RUNX1: variants seen among roughly 807,000 people sequenced by gnomAD.
RUNX1 encodes RUNX family transcription factor 1.
In RUNX1, 19 loss-of-function variants were observed where a neutral mutation model predicts 42.8. That is an observed-to-expected ratio of 0.44 (90% CI 0.31 to 0.65). RUNX1 has a LOEUF of 0.65. Among genes scored for constraint, RUNX1 ranks in the 30% least tolerant of loss-of-function variants. RUNX1 has a pLI of 0.07. For missense variants in RUNX1, 528 were observed against 672.0 expected (o/e 0.79, Z 2.37); for synonymous variants, 271 against 289.4 (o/e 0.94, Z 0.64).
intron 2 of RUNX1, among the ~76,000 whole-genome samples, chr21:34,980,773 AT>A (rs1232042064): frequency 6.6e-6 from 1 of 152,236 alleles, no homozygotes; most frequent in Non-Finnish European, 1.5e-5. Context: ...GAATGGAATA[AT>A]TTGTTTTTCA....
intron 2 of RUNX1, among the ~76,000 whole-genome samples, chr21:34,981,072 A>C (rs1428904430): frequency 6.6e-6 from 1 of 152,224 alleles, no homozygotes; most frequent in Admixed American, 6.5e-5. Context: ...AAAATTATTA[A>C]GAGGCTAAAA....
chr21:34,958,456 T>C (rs934663985), intron 2 of RUNX1, among the ~76,000 whole-genome samples: 6 of 152,104 alleles, frequency 3.9e-5, no homozygotes, highest in African/African-American at 1.4e-4. Context: ...AAAATGCTCA[T>C]CATCACTGGC....
intron 2 of RUNX1, among the ~76,000 whole-genome samples, chr21:35,004,718 A>G (rs2059071101): frequency 6.6e-6 from 1 of 152,182 alleles, no homozygotes; most frequent in African/African-American, 2.4e-5. Flanking sequence ...ATGACAAGGG[A>G]TCATGTATTT....
intron 2 of RUNX1, among the ~76,000 whole-genome samples, chr21:35,022,880 A>C (rs112622466): frequency 1.2e-5 from 1 of 85,978 alleles, no homozygotes; most frequent in Non-Finnish European, 2.9e-5. Flanking sequence ...GGGCAACATG[A>C]ATGATACTCT....
intron 3 of RUNX1, among the ~76,000 whole-genome samples, chr21:34,890,193 G>A (rs1002655815): frequency 6.6e-6 from 1 of 151,918 alleles, no homozygotes; most frequent in African/African-American, 2.4e-5. Context: ...CGCGCCGCGG[G>A]CTCTGGCGGA....
intron 2 of RUNX1, among the ~76,000 whole-genome samples, chr21:34,914,098 G>A (rs527797805): frequency 3.9e-5 from 6 of 152,316 alleles, no homozygotes; most frequent in African/African-American, 1.4e-4. Flanking sequence ...TGTGAAGCAG[G>A]AGCCATTCCA....
chr21:35,032,527 CTA>C (rs1225118144), intron 2 of RUNX1, among the ~76,000 whole-genome samples: 2 of 152,260 alleles, frequency 1.3e-5, no homozygotes, highest in Non-Finnish European at 2.9e-5. Context: ...AGTCCCGTGA[CTA>C]TGAATCCTCT....
At chr21:35,029,906 G>A (rs1004247198) in intron 2 of RUNX1, among the ~76,000 whole-genome samples, 2 of 152,144 alleles carry the variant, frequency 1.3e-5, no homozygotes, top group African/African-American at 4.8e-5. Context: ...GCGCATTGTG[G>A]GCTGTTTGGT....
At chr21:34,848,830 A>C (rs912825272) in intron 6 of RUNX1, among the ~76,000 whole-genome samples, 2 of 152,186 alleles carry the variant, frequency 1.3e-5, no homozygotes, top group Non-Finnish European at 2.9e-5. Flanking sequence ...AGCTCTTTCA[A>C]ATGAATGAAC....
intron 2 of RUNX1, among the ~76,000 whole-genome samples, chr21:34,923,263 G>C (rs2058367808): frequency 6.6e-6 from 1 of 152,168 alleles, no homozygotes; most frequent in Non-Finnish European, 1.5e-5. Flanking sequence ...TTCATCTTGT[G>C]CAACAGTAAA....
chr21:35,045,000 T>C (rs1209570803), intron 2 of RUNX1, among the ~76,000 whole-genome samples: 1 of 152,102 alleles, frequency 6.6e-6, no homozygotes, highest in Non-Finnish European at 1.5e-5. Context: ...TAAACCCCAC[T>C]AATAAAGTCA....
intron 2 of RUNX1, among the ~76,000 whole-genome samples, chr21:34,919,292 T>C (rs1446496389): frequency 1.3e-5 from 2 of 152,156 alleles, no homozygotes; most frequent in Non-Finnish European, 2.9e-5. Context: ...GTGATGACCA[T>C]GGAGAGAAGG....
At chr21:34,867,941 G>A (rs1405517667) in intron 5 of RUNX1, among the ~76,000 whole-genome samples, 1 of 152,120 alleles carries the variant, frequency 6.6e-6, no homozygotes, top group Non-Finnish European at 1.5e-5. Flanking sequence ...CCTGGGCCTG[G>A]CCTCCTCCTG....
chr21:34,964,034 A>G (rs1251626214), intron 2 of RUNX1, among the ~76,000 whole-genome samples: 1 of 152,234 alleles, frequency 6.6e-6, no homozygotes, highest in Non-Finnish European at 1.5e-5. Flanking sequence ...CTGTACTCAC[A>G]GAACTGATGA....
chr21:34,799,875 G>T (rs1425302609), intron 7 of RUNX1, among the ~76,000 whole-genome samples: 2 of 152,114 alleles, frequency 1.3e-5, no homozygotes, highest in Non-Finnish European at 2.9e-5. Context: ...TATAAACTCA[G>T]GGGATCACCT....
chr21:34,842,446 G>A (rs939339510), intron 6 of RUNX1, among the ~76,000 whole-genome samples: 7 of 116,938 alleles, frequency 6.0e-5, no homozygotes, highest in Non-Finnish European at 9.6e-5. Flanking sequence ...AGTAAGCCAA[G>A]ATCGCTCCAC....
At chr21:34,814,946 A>AT (rs1467781945) in intron 7 of RUNX1, among the ~76,000 whole-genome samples, 17 of 152,134 alleles carry the variant, frequency 1.1e-4, no homozygotes, top group Non-Finnish European at 7.4e-5. Context: ...TCATTGACTT[A>AT]TTTTTTTGTA....
chr21:34,971,649 C>T (rs2058764512), intron 2 of RUNX1, among the ~76,000 whole-genome samples: 1 of 152,076 alleles, frequency 6.6e-6, no homozygotes, highest in African/African-American at 2.4e-5. Flanking sequence ...GCATATCTAG[C>T]CTTCACTGAA....
chr21:35,026,268 T>C (rs2059235754), intron 2 of RUNX1, among the ~76,000 whole-genome samples: 2 of 152,244 alleles, frequency 1.3e-5, no homozygotes, highest in Admixed American at 6.5e-5. Context: ...TTCCAGTGAA[T>C]ATCGTGGTTA....
Sources: allele counts gnomAD v4.1 joint callset (sites outside exome capture counted in the v4.1 genomes callset), GRCh38; gene constraint gnomAD v4.1.1; transcripts MANE v1.5; gene names NCBI Gene and HGNC (gene_info 2026-07-23, HGNC 2026-07-21).